The following GRIA4 variants were observed in gnomAD, a reference collection of about 807,000 sequenced individuals.
GRIA4 encodes glutamate receptor 4.
In GRIA4, 34 loss-of-function variants were observed where a neutral mutation model predicts 104.0. The ratio of observed to expected loss-of-function variants is 0.33; its 90% confidence interval spans 0.25 to 0.44. The LOEUF (loss-of-function observed/expected upper bound fraction) is 0.44. Ranked by LOEUF, GRIA4 falls within the 20% of genes least tolerant of loss-of-function variation. GRIA4 has a pLI of 1.00. For synonymous variants in GRIA4, 386 were observed against 381.9 expected (o/e 1.01, Z -0.13); for missense variants, 750 against 1,096.5 (o/e 0.68, Z 4.46).
At chr11:105,783,574 C>T (rs1941820474) in intron 4 of GRIA4, among the ~76,000 whole-genome samples, 1 of 152,196 alleles carries the variant, frequency 6.6e-6, no homozygotes, top group Non-Finnish European at 1.5e-5. Flanking sequence ...ATCAGAAACA[C>T]TGCAAAGCTT....
intron 4 of GRIA4, among the ~76,000 whole-genome samples, chr11:105,829,798 A>G (rs1306596381): frequency 1.3e-5 from 2 of 151,936 alleles, no homozygotes; most frequent in African/African-American, 2.4e-5. Context: ...TATTTTATCC[A>G]TATATAAGTT....
rs147308478 is a variant in GRIA4, at chr11:105,917,815, G to GGTGTGTGTGTGT, written c.1270-868_1270-857dup. Among the ~76,000 whole-genome samples, 104 of 142,778 alleles carry GGTGTGTGTGTGT rather than the reference G, an allele frequency of 7.3e-4. 1 individual carries two copies. The highest frequency in any genetic ancestry group is 2.1e-3 in the South Asian group (9 of 4,300). 93.7% of individuals were successfully genotyped at this position (142,778 alleles called of 152,430 possible). On this transcript the variant is annotated intron_variant, in intron 10 of 16. Coordinates refer to ENST00000282499, the MANE Select transcript of GRIA4 (RefSeq NM_000829.4). ...ATGTCTTTTAATGGTTTGGTTTAAG[G>GGTGTGTGTGTGT]GTGTGTGTGTGTGTGTGTGTGTGTG...
At chr11:105,929,263 C>G (rs1303196490) in intron 13 of GRIA4, among the ~76,000 whole-genome samples, 1 of 151,990 alleles carries the variant, frequency 6.6e-6, no homozygotes, top group African/African-American at 2.4e-5. Flanking sequence ...CTCATAGGAA[C>G]ACAATAATGG....
At chr11:105,968,931 A>G (rs1858537265) in intron 14 of GRIA4, among the ~76,000 whole-genome samples, 1 of 152,214 alleles carries the variant, frequency 6.6e-6, no homozygotes, top group African/African-American at 2.4e-5. Flanking sequence ...CTAGTTAGAA[A>G]TTTTGGCAAC....
rs369279229 is a variant in GRIA4, at chr11:105,882,942, TA to T, written c.673-4573del. 3.5e-3 allele frequency among the ~76,000 whole-genome samples: 532 copies of T among 152,310 alleles called. 3 individuals are homozygous for T. The highest frequency in any genetic ancestry group is 0.012 in the African/African-American group (508 of 41,556). ...GATTGGTTATGCCATAATTTGTTAATAAAACAGTTAAAAATTACAATGTTTG... is the reference window on the plus strand; with the variant it reads ...GATTGGTTATGCCATAATTTGTTAATAAACAGTTAAAAATTACAATGTTTG... On this transcript the variant is annotated intron_variant, in intron 5 of 16. Coordinates refer to ENST00000282499, the MANE Select transcript of GRIA4 (RefSeq NM_000829.4).
chr11:105,798,050 A>G (rs1042255537), intron 4 of GRIA4: 2 of 319,832 alleles, frequency 6.3e-6, no homozygotes, highest in African/African-American at 2.2e-5. Flanking sequence ...ACTAAAATCA[A>G]TAACAATATG....
At chr11:105,660,457 A>G (rs575300506) in intron 3 of GRIA4, among the ~76,000 whole-genome samples, 6 of 151,708 alleles carry the variant, frequency 4.0e-5, no homozygotes, top group Non-Finnish European at 5.9e-5. Context: ...AAAACTATCA[A>G]TCAAATTTGA....
At chr11:105,663,648 G>C (rs1486688333) in intron 3 of GRIA4, among the ~76,000 whole-genome samples, 1 of 151,894 alleles carries the variant, frequency 6.6e-6, no homozygotes, top group Non-Finnish European at 1.5e-5. Flanking sequence ...TGACACCAGG[G>C]AGAAAGGTAT....
chr11:105,890,043 T>C (rs950950368), intron 6 of GRIA4, among the ~76,000 whole-genome samples: 1 of 152,172 alleles, frequency 6.6e-6, no homozygotes, highest in African/African-American at 2.4e-5. Context: ...TTTACAAATA[T>C]TCCAGAATAT....
At chr11:105,929,043 C>T (rs1253956822) in intron 13 of GRIA4, among the ~76,000 whole-genome samples, 1 of 151,990 alleles carries the variant, frequency 6.6e-6, no homozygotes, top group Non-Finnish European at 1.5e-5. Flanking sequence ...ACATTCTGAA[C>T]TCTAATGGGA....
At chr11:105,637,847 C>T (rs1409862655) in intron 3 of GRIA4, among the ~76,000 whole-genome samples, 2 of 152,160 alleles carry the variant, frequency 1.3e-5, no homozygotes, top group East Asian at 3.9e-4. Flanking sequence ...AAAAGCTAAG[C>T]CCAGGTGCAA....
rs149928805 is a variant in GRIA4, at chr11:105,716,927, G to A, written c.248-36054G>A. ...GTTCTCACGTTTTACAACTTGATAG[G>A]CAGTTGCTCTAATCCATAAAAAAAG... On this transcript the variant is annotated intron_variant, in intron 3 of 16. Coordinates refer to ENST00000282499, the MANE Select transcript of GRIA4 (RefSeq NM_000829.4). Among the ~76,000 whole-genome samples, 454 of 152,060 alleles carry A rather than the reference G, an allele frequency of 3.0e-3. 7 individuals are homozygous for A. Among genetic ancestry groups the A allele is most frequent in the African/African-American group, 0.011 (447 of 41,508 alleles).
chr11:105,784,957 G>A lies in GRIA4; in HGVS notation c.487+31737G>A, dbSNP rs150654785. On this transcript the variant is annotated intron_variant, in intron 4 of 16. Transcript: ENST00000282499. ...ATCTGCAGTCTTAGGCATCCTACGT[G>A]ATTCCAAATACCAGGGTTTGGGAAA... Among the ~76,000 whole-genome samples, 1,444 of 152,250 alleles carry A rather than the reference G, an allele frequency of 9.5e-3. 31 individuals carry two copies. The highest frequency in any genetic ancestry group is 0.033 in the African/African-American group (1,376 of 41,546).
At chr11:105,745,917 T>C (rs1939628207) in intron 3 of GRIA4, among the ~76,000 whole-genome samples, 1 of 152,150 alleles carries the variant, frequency 6.6e-6, no homozygotes, top group Non-Finnish European at 1.5e-5. Context: ...AATGTTCTGC[T>C]GAGTATTCCT....
At chr11:105,657,469 A>T (rs569876115) in intron 3 of GRIA4, among the ~76,000 whole-genome samples, 1 of 152,142 alleles carries the variant, frequency 6.6e-6, no homozygotes, top group Admixed American at 6.6e-5. Flanking sequence ...TAGTTAACAA[A>T]AGAAAAGAAG....
At position 105,887,600 on chromosome 11, in the gene GRIA4, A is replaced by G. The variant is rs760146852; in HGVS notation, c.726+28A>G. 11 of 1,015,254 alleles carry G rather than the reference A, an allele frequency of 1.1e-5. No homozygotes were observed. The Admixed American group carries it at 2.1e-4, about 19-fold the overall frequency. 62.9% of individuals were successfully genotyped at this position (1,015,254 alleles called of 1,614,324 possible). On this transcript the variant is annotated intron_variant, in intron 6 of 16. Transcript: ENST00000282499. ...AAGAACTTCTTATTTTCTACTTTTC[A>G]TAAGAATTGCTCAAGCACACAAGAT...
chr11:105,851,318 T>C (rs1320608112), intron 4 of GRIA4, among the ~76,000 whole-genome samples: 2 of 152,200 alleles, frequency 1.3e-5, no homozygotes, highest in African/African-American at 4.8e-5. Context: ...GCTAGTCTCA[T>C]ACTTAAAGGG....
intron 14 of GRIA4, among the ~76,000 whole-genome samples, chr11:105,962,800 C>T (rs1948774635): frequency 6.6e-6 from 1 of 152,030 alleles, no homozygotes; most frequent in Non-Finnish European, 1.5e-5. Context: ...TTGCTTTTTC[C>T]TCCTCTTCTA....
At chr11:105,921,871 A>C (rs1947575074) in intron 11 of GRIA4, among the ~76,000 whole-genome samples, 1 of 151,628 alleles carries the variant, frequency 6.6e-6, no homozygotes, top group East Asian at 1.9e-4. Flanking sequence ...GATACCAAAA[A>C]GTGATAGGAG....
Sources: allele counts gnomAD v4.1 joint callset (sites outside exome capture counted in the v4.1 genomes callset), GRCh38; gene constraint gnomAD v4.1.1; transcripts MANE v1.5; gene names NCBI Gene and HGNC (gene_info 2026-07-23, HGNC 2026-07-21).